The following ARSB variants were observed in gnomAD, a reference collection of about 807,000 sequenced individuals.
ARSB encodes arylsulfatase B.
In ARSB, 41 loss-of-function variants were observed where a neutral mutation model predicts 50.9. The observed-to-expected ratio is 0.81, with a 90% CI of 0.63 to 1.04. The LOEUF is 1.04. Among genes scored for constraint, ARSB ranks in the 50% least tolerant of loss-of-function variants. The pLI is 0.00. For synonymous variants in ARSB, 269 were observed against 284.8 expected, an observed-to-expected ratio of 0.94 and a Z score of 0.56; for missense variants, 672 against 693.3, an observed-to-expected ratio of 0.97 and a Z score of 0.35.
At chr5:78,793,059 C>T (rs1290853869) in intron 6 of ARSB, among the ~76,000 whole-genome samples, 1 of 152,232 alleles carries the variant, frequency 6.6e-6, no homozygotes, top group East Asian at 1.9e-4. Context: ...CCTACAGTCC[C>T]TTTCATACCT....
chr5:78,825,638 T>C (rs1236268952), intron 6 of ARSB, among the ~76,000 whole-genome samples: 3 of 152,224 alleles, frequency 2.0e-5, no homozygotes, highest in Non-Finnish European at 2.9e-5. Context: ...ATAATTCTTA[T>C]ATCTCAGTCA....
At chr5:78,811,452 C>T (rs181955192) in intron 6 of ARSB, among the ~76,000 whole-genome samples, 297 of 152,174 alleles carry the variant, frequency 2.0e-3, no homozygotes, top group African/African-American at 6.7e-3. Context: ...CAGGAGGCCA[C>T]AAAAGAGTTA....
At chr5:78,964,024 AT>A (rs1485770835) in intron 3 of ARSB, among the ~76,000 whole-genome samples, 8 of 152,210 alleles carry the variant, frequency 5.3e-5, no homozygotes, top group Non-Finnish European at 1.5e-5. Flanking sequence ...TAAGCCAATC[AT>A]TTTTTAAGTC....
At chr5:78,909,308 G>C (rs1353886438) in intron 4 of ARSB, among the ~76,000 whole-genome samples, 1 of 152,052 alleles carries the variant, frequency 6.6e-6, no homozygotes, top group African/African-American at 2.4e-5. Flanking sequence ...TTATTATAAA[G>C]TAATTCCACA....
chr5:78,967,323 G>A (rs929633327), intron 2 of ARSB, among the ~76,000 whole-genome samples: 3 of 152,132 alleles, frequency 2.0e-5, no homozygotes, highest in Admixed American at 2.0e-4. Flanking sequence ...CATTTATCTT[G>A]TAAATAATGT....
intron 3 of ARSB, among the ~76,000 whole-genome samples, chr5:78,958,785 A>G (rs1751848900): frequency 6.6e-6 from 1 of 152,174 alleles, no homozygotes; most frequent in African/African-American, 2.4e-5. Context: ...GATCTTTGTT[A>G]TAGATTAACC....
chr5:78,814,125 T>C (rs1743909834), intron 6 of ARSB, among the ~76,000 whole-genome samples: 1 of 151,012 alleles, frequency 6.6e-6, no homozygotes, highest in Non-Finnish European at 1.5e-5. Flanking sequence ...TCTGTTTGAC[T>C]CTTCTGTGGC....
chr5:78,882,013 A>G (rs1366233214), intron 5 of ARSB, among the ~76,000 whole-genome samples: 3 of 152,268 alleles, frequency 2.0e-5, no homozygotes, highest in Non-Finnish European at 4.4e-5. Context: ...TAATGCTAAT[A>G]GCCTGAGTGG....
At chr5:78,893,491 A>G (rs1448351390) in intron 4 of ARSB, among the ~76,000 whole-genome samples, 1 of 152,252 alleles carries the variant, frequency 6.6e-6, no homozygotes. Context: ...ATGCTGAGAT[A>G]TCAATGGGGT....
chr5:78,787,053 C>T (rs1363039334), intron 6 of ARSB, among the ~76,000 whole-genome samples: 1 of 152,074 alleles, frequency 6.6e-6, no homozygotes, highest in African/African-American at 2.4e-5. Flanking sequence ...ACTCTCGATG[C>T]CATTCCATTG....
At chr5:78,942,028 G>C (rs1188593128) in intron 4 of ARSB, among the ~76,000 whole-genome samples, 4 of 152,192 alleles carry the variant, frequency 2.6e-5, no homozygotes, top group Admixed American at 2.6e-4. Flanking sequence ...TATGTATCCA[G>C]TAATTTATCC....
chr5:78,795,184 C>T (rs887572475), intron 6 of ARSB, among the ~76,000 whole-genome samples: 4 of 152,208 alleles, frequency 2.6e-5, no homozygotes, highest in African/African-American at 9.6e-5. Flanking sequence ...GGTTTTCAAA[C>T]TTTTAAGGAC....
chr5:78,836,063 T>C (rs551583155), intron 6 of ARSB, among the ~76,000 whole-genome samples: 3 of 152,352 alleles, frequency 2.0e-5, no homozygotes, highest in African/African-American at 7.2e-5. Flanking sequence ...CCTAAGTACA[T>C]GTTTTTTTAT....
At position 78,779,646 on chromosome 5, in the gene ARSB, G is replaced by A. The variant is rs1748868607; in HGVS notation, c.*751C>T. ...CGTTCCAGAAATCAGGGGTGCTCAG[G>A]TAGAGAAGCAAAGTGGCCTTCCCAG... On this transcript the variant is annotated 3_prime_UTR_variant, in exon 8 of 8. Coordinates refer to ENST00000264914, the MANE Select transcript of ARSB (RefSeq NM_000046.5). 1 of 152,526 alleles carries A rather than the reference G, an allele frequency of 6.6e-6. No individual in the cohort carries two copies. The highest frequency in any genetic ancestry group is 2.1e-4 in the South Asian group (1 of 4,834). 9.4% of individuals were successfully genotyped at this position (152,526 alleles called of 1,614,324 possible).
At chr5:78,885,478 T>C in intron 5 of ARSB, 106 bp downstream of exon 5, 1 of 1,492,164 alleles carries the variant, frequency 6.7e-7, no homozygotes, top group Non-Finnish European at 9.0e-7. Context: ...CATGTATTTG[T>C]AAGCTGAACT....
chr5:78,929,514 G>A (rs568869928), intron 4 of ARSB, among the ~76,000 whole-genome samples: 6 of 152,200 alleles, frequency 3.9e-5, no homozygotes, highest in African/African-American at 7.2e-5. Flanking sequence ...AGACTGGCCC[G>A]GCGCAGTGGC....
chr5:78,829,867 C>G (rs919026027), intron 6 of ARSB, among the ~76,000 whole-genome samples: 5 of 152,118 alleles, frequency 3.3e-5, no homozygotes, highest in African/African-American at 1.2e-4. Flanking sequence ...TAGACTCTTT[C>G]AAGAAAGATG....
intron 4 of ARSB, among the ~76,000 whole-genome samples, chr5:78,898,183 G>A (rs911685982): frequency 8.5e-5 from 13 of 152,080 alleles, no homozygotes; most frequent in East Asian, 1.9e-4. Flanking sequence ...CAGGAGAATC[G>A]CTTGAACCCG....
chr5:78,791,833 CTT>C (rs958124109), intron 6 of ARSB, among the ~76,000 whole-genome samples: 2 of 152,186 alleles, frequency 1.3e-5, no homozygotes, highest in Non-Finnish European at 2.9e-5. Flanking sequence ...TAGTGAACCT[CTT>C]TGCTTAATTT....
Sources: allele counts gnomAD v4.1 joint callset (sites outside exome capture counted in the v4.1 genomes callset), GRCh38; gene constraint gnomAD v4.1.1; transcripts MANE v1.5; gene names NCBI Gene and HGNC (gene_info 2026-07-23, HGNC 2026-07-21).